ZNF407: variants seen among roughly 807,000 people sequenced by gnomAD.
The protein encoded by ZNF407 is zinc finger protein 407.
A neutral mutation model predicts 131.2 loss-of-function variants in ZNF407; 17 were observed. The ratio of observed to expected loss-of-function variants is 0.13; its 90% CI spans 0.09 to 0.19. ZNF407 has a LOEUF of 0.19. Among genes scored for constraint, ZNF407 ranks in the 10% least tolerant of loss-of-function variants. ZNF407 has a pLI of 1.00. For synonymous variants in ZNF407, 1,156 were observed against 1,062.0 expected (o/e 1.09, Z -1.72); for missense variants, 2,681 against 2,830.6 (o/e 0.95, Z 1.20).
At chr18:74,833,739 C>T (rs1970517237) in intron 4 of ZNF407, among the ~76,000 whole-genome samples, 1 of 152,162 alleles carries the variant, frequency 6.6e-6, no homozygotes, top group Non-Finnish European at 1.5e-5. Flanking sequence ...TTTGAAAGTT[C>T]ACTCTGGCTG....
intron 4 of ZNF407, among the ~76,000 whole-genome samples, chr18:74,822,329 A>G (rs1030921514): frequency 6.6e-6 from 1 of 152,094 alleles, no homozygotes; most frequent in Admixed American, 6.6e-5. Context: ...TTTAGACATA[A>G]GTTTTTGCCC....
intron 3 of ZNF407, among the ~76,000 whole-genome samples, chr18:74,659,894 A>G (rs1985638448): frequency 6.6e-6 from 1 of 152,174 alleles, no homozygotes; most frequent in Non-Finnish European, 1.5e-5. Flanking sequence ...GAAAATGACA[A>G]ATATATTTCT....
chr18:75,031,572 C>T (rs901157293), intron 8 of ZNF407, among the ~76,000 whole-genome samples: 12 of 152,116 alleles, frequency 7.9e-5, no homozygotes, highest in African/African-American at 2.7e-4. Context: ...GTACTAAATG[C>T]CATTATTAAC....
intron 8 of ZNF407, among the ~76,000 whole-genome samples, chr18:74,991,745 A>G (rs137900006): frequency 6.6e-6 from 1 of 152,172 alleles, no homozygotes; most frequent in South Asian, 2.1e-4. Flanking sequence ...CCATCACTAC[A>G]TCACTTAATC....
chr18:74,890,781 G>A (rs1971373268), intron 7 of ZNF407, among the ~76,000 whole-genome samples: 3 of 152,180 alleles, frequency 2.0e-5, no homozygotes, highest in African/African-American at 7.2e-5. Context: ...AGTACATAAA[G>A]GATTATGTTG....
intron 8 of ZNF407, among the ~76,000 whole-genome samples, chr18:75,057,126 T>C (rs1259139049): frequency 6.6e-6 from 1 of 152,242 alleles, no homozygotes; most frequent in Non-Finnish European, 1.5e-5. Context: ...TCAAGCTTAC[T>C]GGGCCTACGA....
At chr18:74,942,522 G>A (rs548964231) in intron 8 of ZNF407, among the ~76,000 whole-genome samples, 120 of 152,294 alleles carry the variant, frequency 7.9e-4, no homozygotes, top group African/African-American at 2.7e-3. Flanking sequence ...ACTTTGACCG[G>A]TTTGTAAGAA....
At chr18:74,902,217 T>C (rs1971535295) in intron 7 of ZNF407, among the ~76,000 whole-genome samples, 1 of 152,166 alleles carries the variant, frequency 6.6e-6, no homozygotes, top group Admixed American at 6.5e-5. Context: ...TGCGTGGAGG[T>C]TTTGATAGGG....
intron 1 of ZNF407, among the ~76,000 whole-genome samples, chr18:74,629,380 A>G (rs1347390044): frequency 4.6e-5 from 7 of 152,170 alleles, no homozygotes; most frequent in Non-Finnish European, 7.4e-5. Context: ...TTCTGTGCTC[A>G]TTTTAAATTG....
At chr18:75,054,568 G>A (rs76536552) in intron 8 of ZNF407, among the ~76,000 whole-genome samples, 2,295 of 152,278 alleles carry the variant, frequency 0.015, 26 homozygotes, top group Non-Finnish European at 0.025. Flanking sequence ...CAGGAGGACC[G>A]GCTGGGCTTA....
At chr18:74,880,645 A>G (rs1238817576) in intron 5 of ZNF407, among the ~76,000 whole-genome samples, 2 of 152,220 alleles carry the variant, frequency 1.3e-5, no homozygotes, top group Non-Finnish European at 2.9e-5. Flanking sequence ...GCAGAACCAT[A>G]TATACTGTAT....
At chr18:74,718,906 A>G (rs1967959613) in intron 3 of ZNF407, among the ~76,000 whole-genome samples, 1 of 152,126 alleles carries the variant, frequency 6.6e-6, no homozygotes, top group Admixed American at 6.5e-5. Flanking sequence ...ATTTTTAATA[A>G]TATGCTTTTC....
intron 3 of ZNF407, among the ~76,000 whole-genome samples, chr18:74,696,556 GAT>G (rs1967360792): frequency 6.6e-6 from 1 of 152,178 alleles, no homozygotes; most frequent in Non-Finnish European, 1.5e-5. Context: ...TTGATCTTAA[GAT>G]GCCTCCACGG....
chr18:74,899,200 A>G (rs1399078520), intron 7 of ZNF407, among the ~76,000 whole-genome samples: 1 of 152,214 alleles, frequency 6.6e-6, no homozygotes, highest in African/African-American at 2.4e-5. Flanking sequence ...ACTTTGCAAA[A>G]TCACTGGTGC....
At chr18:74,725,539 A>G (rs1968137025) in intron 3 of ZNF407, among the ~76,000 whole-genome samples, 1 of 152,160 alleles carries the variant, frequency 6.6e-6, no homozygotes, top group Non-Finnish European at 1.5e-5. Context: ...TGTGTGTTAC[A>G]TCTTGTCATC....
chr18:74,654,101 C>A (rs1985347038), intron 3 of ZNF407, among the ~76,000 whole-genome samples: 1 of 151,734 alleles, frequency 6.6e-6, no homozygotes, highest in Non-Finnish European at 1.5e-5. Context: ...AATTCTGCTG[C>A]TGATCATTTC....
Position 74,762,808 on chromosome 18 carries a change from A to G in ZNF407, c.4803-18620A>G, listed in dbSNP as rs897864710. On this transcript the variant is annotated intron_variant, in intron 3 of 8. Transcript: ENST00000299687. ...CCTCATTATTGCTGAGCAGAATTAC[A>G]TTGTTTCTTTATCCCTTTGTTTATC... Among the ~76,000 whole-genome samples the G allele has an allele frequency of 3.3e-5, 5 of 151,816 alleles. No homozygotes were observed. In the East Asian group the frequency reaches 5.8e-4, roughly 18 times the overall value.
intron 4 of ZNF407, among the ~76,000 whole-genome samples, chr18:74,865,305 G>T (rs1970995446): frequency 6.6e-6 from 1 of 152,182 alleles, no homozygotes; most frequent in Non-Finnish European, 1.5e-5. Context: ...AAACAGTTGT[G>T]TGGTTTTGTT....
At chr18:74,896,163 A>G (rs527264623) in intron 7 of ZNF407, among the ~76,000 whole-genome samples, 74 of 152,312 alleles carry the variant, frequency 4.9e-4, no homozygotes, top group Non-Finnish European at 9.3e-4. Flanking sequence ...AATAATCAAA[A>G]TGAAAATGTC....
Sources: allele counts gnomAD v4.1 joint callset (sites outside exome capture counted in the v4.1 genomes callset), GRCh38; gene constraint gnomAD v4.1.1; transcripts MANE v1.5; gene names NCBI Gene and HGNC (gene_info 2026-07-23, HGNC 2026-07-21).